IGF2R: variants seen among roughly 807,000 people sequenced by gnomAD.
The protein encoded by IGF2R is cation-independent mannose-6-phosphate receptor.
IGF2R carries 91 observed loss-of-function variants against 270.6 expected under a neutral mutation model. The observed-to-expected ratio is 0.34, with a 90% CI of 0.28 to 0.40. The LOEUF is 0.40. Among genes scored for constraint, IGF2R ranks in the 10% least tolerant of loss-of-function variants. The pLI, the probability that IGF2R is intolerant of heterozygous loss-of-function variation, is 1.00. For missense variants in IGF2R, 2,805 were observed against 3,188.3 expected (o/e 0.88, Z 2.90); for synonymous variants, 1,316 against 1,258.9 (o/e 1.05, Z -0.96).
At chr6:160,043,973 A>G (rs1300570886) in intron 12 of IGF2R, among the ~76,000 whole-genome samples, 1 of 152,244 alleles carries the variant, frequency 6.6e-6, no homozygotes, top group Non-Finnish European at 1.5e-5. Context: ...TTTACTAAGA[A>G]GGACTTTGGA....
In IGF2R at chr6:159,974,051, T is replaced by C. The variant is rs1783652150; in HGVS notation, c.149+4656T>C. ...ATGAGGAGGTGGGCGTAGCAGCTGT[T>C]TGACTTCATGGGACCCACCAGACTG... On this transcript the variant is annotated intron_variant, in intron 1 of 47. Coordinates refer to ENST00000356956, the MANE Select transcript of IGF2R (RefSeq NM_000876.4). Among the ~76,000 whole-genome samples the C allele has an allele frequency of 2.0e-5, 3 of 152,288 alleles. No homozygotes were observed. In the South Asian group the frequency reaches 6.2e-4, roughly 32 times the overall value.
intron 35 of IGF2R, 122 bp from the exon 36 acceptor site, chr6:160,075,725 A>T: frequency 1.1e-6 from 1 of 938,790 alleles, no homozygotes; most frequent in Non-Finnish European, 1.6e-6. Flanking sequence ...GTTTCTTTAG[A>T]TGCTGCTCAT....
chr6:160,110,116 G>C lies in IGF2R; in HGVS notation c.*5032G>C, dbSNP rs1562383823. On this transcript the variant is annotated 3_prime_UTR_variant, in exon 48 of 48. Coordinates refer to ENST00000356956, the MANE Select transcript of IGF2R (RefSeq NM_000876.4). Reference sequence around the variant, plus strand: ...GCTGACCACACGTGAAATCACAATAGAAAATGGCCAGCAGGCCTCCAGGTA... The same window carrying C: ...GCTGACCACACGTGAAATCACAATACAAAATGGCCAGCAGGCCTCCAGGTA... The C allele has an allele frequency of 6.6e-6, 1 of 152,222 alleles. No homozygotes were observed. The highest frequency in any genetic ancestry group is 1.5e-5 in the Non-Finnish European group (1 of 68,050). 9.4% of individuals were successfully genotyped at this position (152,222 alleles called of 1,614,324 possible).
At chr6:159,999,318 C>T (rs1204557005) in intron 2 of IGF2R, among the ~76,000 whole-genome samples, 2 of 152,184 alleles carry the variant, frequency 1.3e-5, no homozygotes, top group African/African-American at 4.8e-5. Flanking sequence ...GGAGGCCTTC[C>T]TGGAACTGGG....
At position 160,040,630 on chromosome 6, in the gene IGF2R, G is replaced by A. The variant is rs370869979; in HGVS notation, c.1386G>A (p.Thr462=). 3.0e-5 allele frequency: 49 copies of A among 1,613,860 alleles called. No individual in the cohort carries two copies. The highest frequency in any genetic ancestry group is 3.0e-5 in the Non-Finnish European group (35 of 1,179,848). The change falls in exon 11 of 48, where the codon ACG becomes ACA. Residue 462 remains threonine (T), a synonymous_variant. Coordinates refer to ENST00000356956, the MANE Select transcript of IGF2R (RefSeq NM_000876.4). ...GCACCTACTTCTTCACATGGGACAC[G>A]GAATACGCCTGTGTTAAGGAGAAGG... ...VDCTYFFTWD[T]EYACVKEKED...
chr6:160,105,446 G>A lies in IGF2R; in HGVS notation c.*362G>A, dbSNP rs1172923137. 1 of 175,960 alleles carries A rather than the reference G, an allele frequency of 5.7e-6. No homozygotes were observed. Among genetic ancestry groups the A allele is most frequent in the Non-Finnish European group, 1.2e-5 (1 of 83,658 alleles). The allele number at this position is 175,960 out of a possible 1,614,324, so 10.9% of individuals were successfully genotyped here. The stretch of plus-strand genomic sequence containing the variant: ...GGGTATTTGACCCCGATATATTTTA[G>A]CATTTTAATTCTCTCCCCCTATTTA... On this transcript the variant is annotated 3_prime_UTR_variant, in exon 48 of 48. Coordinates refer to ENST00000356956, the MANE Select transcript of IGF2R (RefSeq NM_000876.4).
At chr6:160,044,706 C>T (rs1284277771) in intron 13 of IGF2R, 49 bp downstream of exon 13, 4 of 1,464,780 alleles carry the variant, frequency 2.7e-6, no homozygotes, top group Non-Finnish European at 2.8e-6. Flanking sequence ...TGCCAGAGGT[C>T]CTGCATTCTT....
chr6:160,073,353 A>G lies in IGF2R; in HGVS notation c.4831A>G (p.Ser1611Gly), dbSNP rs1778785906. The change falls in exon 34 of 48, where the codon AGT (serine) becomes GGT (glycine). Residue 1611 changes from serine (S) to glycine (G), a missense_variant. Transcript: ENST00000356956. ...CGGCCTGAGCTATAAGAGTGTGATC[A>G]GTTTCGTGTGCAGGCCTGAGGCCAG... is the stretch of plus-strand genomic sequence containing the variant. ...KSGLSYKSVI[S>G]FVCRPEARPT... 1 of 1,614,272 alleles carries G rather than the reference A, an allele frequency of 6.2e-7. No individual in the cohort carries two copies. The highest frequency in any genetic ancestry group is 8.5e-7 in the Non-Finnish European group (1 of 1,180,050).
intron 45 of IGF2R, among the ~76,000 whole-genome samples, chr6:160,100,182 C>T (rs920941740): frequency 3.9e-5 from 6 of 152,032 alleles, no homozygotes; most frequent in African/African-American, 1.4e-4. Flanking sequence ...TATAGCTTGA[C>T]TAAACTTGTC....
rs940121903 is a variant in IGF2R at position 160,105,708 on chromosome 6, G to A, written c.*624G>A. Reference sequence around the variant, plus strand: ...TTCTTAAGGGCACACACACGTGCGTGCGAGCACACACACACATACGTGCAC... The same window carrying A: ...TTCTTAAGGGCACACACACGTGCGTACGAGCACACACACACATACGTGCAC... On this transcript the variant is annotated 3_prime_UTR_variant, in exon 48 of 48. Coordinates refer to ENST00000356956, the MANE Select transcript of IGF2R (RefSeq NM_000876.4). 6.5e-6 allele frequency: 1 copy of A among 152,848 alleles called. No individual in the cohort carries two copies. Among genetic ancestry groups the A allele is most frequent in the African/African-American group, 2.4e-5 (1 of 41,432 alleles). The allele number at this position is 152,848 out of a possible 1,614,324, so 9.5% of individuals were successfully genotyped here. A position where few individuals can be genotyped will look rare whatever the true frequency, so the allele number is the denominator to read the frequency against.
Position 159,977,001 on chromosome 6 carries a change from G to A in IGF2R, c.149+7606G>A, listed in dbSNP as rs552932765. The stretch of plus-strand genomic sequence containing the variant: ...TGTATCTGGCTGCCGCTGTGGACAG[G>A]CATGTAGCTGGATGTCGTTTGCTGC... On this transcript the variant is annotated intron_variant, in intron 1 of 47. Transcript: ENST00000356956. Among the ~76,000 whole-genome samples, 89 of 152,320 alleles carry A rather than the reference G, an allele frequency of 5.8e-4. 1 individual carries two copies. The highest frequency in any genetic ancestry group is 3.4e-3 in the Middle Eastern group (1 of 294).
intron 44 of IGF2R, chr6:160,094,799 G>C (rs1050777383): frequency 4.0e-5 from 6 of 151,636 alleles, no homozygotes; most frequent in Admixed American, 1.3e-4. Flanking sequence ...TCGGGAGGCT[G>C]AGGCAGGAGA....
In IGF2R at chr6:160,102,578, A is replaced by C. The variant is rs1417470503; in HGVS notation, c.6902A>C (p.Glu2301Ala). The C allele has an allele frequency of 6.2e-7, 1 of 1,613,628 alleles. No homozygotes were observed. The highest frequency in any genetic ancestry group is 8.5e-7 in the Non-Finnish European group (1 of 1,179,972). ...DDGQMHKGLS[E>A]RSQAVGAVLS... ...GGGCAGATGCACAAGGGGCTGTCAG[A>C]ACGGAGCCAGGCAGTCGGCGCGGTG... is the stretch of plus-strand genomic sequence containing the variant. The change falls in exon 46 of 48, where the codon GAA (glutamate) becomes GCA (alanine). Residue 2301 changes from glutamate to alanine, a missense_variant. Glu to Ala is a moderately radical substitution (Grantham distance 107). Around this residue, in one of 2 missense-constraint regions of IGF2R, gnomAD observed 1,851 missense variants for 2,207.2 expected, o/e 0.84. Coordinates refer to ENST00000356956, the MANE Select transcript of IGF2R (RefSeq NM_000876.4). The surrounding 1 kb of genome is among the most constrained non-coding windows in gnomAD (Gnocchi z 4.5).
At chr6:160,001,615 A>G (rs1784131139) in intron 2 of IGF2R, among the ~76,000 whole-genome samples, 1 of 152,166 alleles carries the variant, frequency 6.6e-6, no homozygotes, top group Non-Finnish European at 1.5e-5. Context: ...TTTTATAGTG[A>G]GAAACAAATA....
In IGF2R at chr6:160,024,713, C is replaced by G. The variant is rs905015730; in HGVS notation, c.646+9C>G. ...TGTTTGTAGAGACATAGGTATGAAT[C>G]TTTGTGGGGCTGAGGGGGTGGTGGT... On this transcript the variant is annotated intron_variant, in intron 5 of 47. Transcript: ENST00000356956. The G allele has an allele frequency of 2.5e-6, 4 of 1,613,736 alleles. No individual in the cohort carries two copies. The highest frequency in any genetic ancestry group is 3.4e-6 in the Non-Finnish European group (4 of 1,179,746).
intron 19 of IGF2R, among the ~76,000 whole-genome samples, chr6:160,052,259 G>A (rs1778216165): frequency 6.6e-6 from 1 of 152,110 alleles, no homozygotes; most frequent in South Asian, 2.1e-4. Flanking sequence ...AAATCAAGGT[G>A]CAAAAATCAC....
Position 160,029,550 on chromosome 6 carries a change from G to A in IGF2R, c.777G>A (p.Arg259=). 6.2e-7 allele frequency: 1 copy of A among 1,608,108 alleles called. No homozygotes were observed. Among genetic ancestry groups the A allele is most frequent in the Non-Finnish European group, 8.5e-7 (1 of 1,174,576 alleles). Residue 259 remains arginine, a splice_region_variant and synonymous_variant, in exon 7 of 48, where the codon AGG becomes AGA. Coordinates refer to ENST00000356956, the MANE Select transcript of IGF2R (RefSeq NM_000876.4). The stretch of plus-strand genomic sequence containing the variant: ...TCTTTTCTCAATGTGGCTCTCCCAG[G>A]CTTGTCCTGAGTTACGTGAGGGAAG... ...RDGLKLVRKD[R]LVLSYVREEA...
Position 160,059,087 on chromosome 6 carries a change from T to C in IGF2R, c.3080T>C (p.Leu1027Pro). 1.9e-6 allele frequency: 3 copies of C among 1,613,912 alleles called. No homozygotes were observed. Among genetic ancestry groups the C allele is most frequent in the East Asian group, 2.2e-5 (1 of 44,880 alleles). The change falls in exon 22 of 48, where the codon CTC (leucine) becomes CCC (proline). Residue 1027 changes from leucine (L) to proline (P), a missense_variant. Physicochemically the swap from Leu to Pro is moderately conservative, Grantham distance 98. Transcript: ENST00000356956. ...ATCACTCTGACCTACAAAGGGCCTC[T>C]CTCTGCCAAAGGTGAGCTCAGAGCC... ...GFITLTYKGP[L>P]SAKGTADAFI... is the part of the protein sequence containing the mutation.
chr6:160,030,694 A>T (rs910965466), intron 7 of IGF2R, among the ~76,000 whole-genome samples: 1 of 152,162 alleles, frequency 6.6e-6, no homozygotes, highest in African/African-American at 2.4e-5. Context: ...TTTGGTAAGA[A>T]TCATTTTACA....
Sources: gnomAD v4.1 joint callset for allele counts (sites outside exome capture counted in the v4.1 genomes callset) on GRCh38, gnomAD v4.1.1 for gene constraint, gnomAD v4.1.1 regional missense constraint, Gnocchi (gnomAD v3.1) non-coding constraint, MANE v1.5 for transcripts, NCBI Gene and HGNC (gene_info 2026-07-23, HGNC 2026-07-21) for gene names.